Variants in C14orf132 observed in about 807,000 individuals in gnomAD.
C14orf132 encodes chromosome 14 open reading frame 132.
C14orf132 carries 6 observed loss-of-function variants against 5.8 expected under a neutral mutation model. The ratio of observed to expected loss-of-function variants is 1.03; its 90% CI spans 0.57 to 2.04. C14orf132 has a LOEUF of 2.04. C14orf132 is among the 30% of genes most tolerant of loss of function. C14orf132 has a pLI of 0.00. For synonymous variants in C14orf132, 51 were observed against 49.8 expected (o/e 1.02, Z -0.10); for missense variants, 125 against 115.8 (o/e 1.08, Z -0.37).
Position 96,053,320 on chromosome 14 carries a change from C to T in C14orf132, c.27+13793C>T, listed in dbSNP as rs1211435828. Among the ~76,000 whole-genome samples, 4 of 152,326 alleles carry T rather than the reference C, an allele frequency of 2.6e-5. No individual in the cohort carries two copies. In the East Asian group the frequency reaches 7.7e-4, roughly 29 times the overall value. The stretch of plus-strand genomic sequence containing the variant: ...GACGCTGGGGAACAAGCACTAAATT[C>T]CCTGCTCTCGCTAAGGGCACCTTGT... On this transcript the variant is annotated intron_variant, in intron 1 of 1. Transcript: ENST00000555004.
rs1888212819 is a variant in C14orf132 at position 96,086,899 on chromosome 14, G to A, written c.*164G>A. On this transcript the variant is annotated 3_prime_UTR_variant, in exon 2 of 2. Transcript: ENST00000555004. ...GCAGCCCTGATTTCAAATATCCCATGTTGTGGTCAAGCTGAGTCAGAAGAC... is the reference window on the plus strand; with the variant it reads ...GCAGCCCTGATTTCAAATATCCCATATTGTGGTCAAGCTGAGTCAGAAGAC... 4 of 722,678 alleles carry A rather than the reference G, an allele frequency of 5.5e-6. No individual in the cohort carries two copies. In the South Asian group the frequency reaches 7.5e-5, roughly 14 times the overall value. 44.8% of individuals were successfully genotyped at this position (722,678 alleles called of 1,614,324 possible). A position where few individuals can be genotyped will look rare whatever the true frequency, so the allele number is the denominator to read the frequency against.
intron 1 of C14orf132, among the ~76,000 whole-genome samples, chr14:96,060,985 T>C (rs1419965124): frequency 6.6e-6 from 1 of 152,184 alleles, no homozygotes; most frequent in African/African-American, 2.4e-5. Context: ...GAAAAAGTCC[T>C]TCCCAGAACA....
At chr14:96,053,436 C>T (rs1359783020) in intron 1 of C14orf132, among the ~76,000 whole-genome samples, 1 of 152,240 alleles carries the variant, frequency 6.6e-6, no homozygotes, top group African/African-American at 2.4e-5. Context: ...GTCCCGGCAG[C>T]CATGCAGAGA....
intron 1 of C14orf132, among the ~76,000 whole-genome samples, chr14:96,069,121 C>G (rs1280891294): frequency 6.7e-6 from 1 of 148,472 alleles, no homozygotes; most frequent in Non-Finnish European, 1.5e-5. Flanking sequence ...GGTGGGGTTT[C>G]TCAGCCTCCA....
At chr14:96,084,006 A>G (rs1888107069) in intron 1 of C14orf132, among the ~76,000 whole-genome samples, 1 of 152,192 alleles carries the variant, frequency 6.6e-6, no homozygotes, top group African/African-American at 2.4e-5. Context: ...CGGGAGCCCT[A>G]CAAAAGGCTC....
intron 1 of C14orf132, among the ~76,000 whole-genome samples, chr14:96,078,697 G>C (rs951925045): frequency 3.3e-5 from 5 of 152,172 alleles, no homozygotes; most frequent in African/African-American, 1.2e-4. Flanking sequence ...GACTGGGCTG[G>C]CACCAAGATC....
chr14:96,078,675 G>C (rs1595189096), intron 1 of C14orf132, among the ~76,000 whole-genome samples: 1 of 152,210 alleles, frequency 6.6e-6, no homozygotes, highest in East Asian at 1.9e-4. Context: ...AAGTGGCCCA[G>C]TCCAGCAGGC....
intron 1 of C14orf132, among the ~76,000 whole-genome samples, chr14:96,052,481 G>T (rs1887058873): frequency 6.6e-6 from 1 of 152,244 alleles, no homozygotes. Flanking sequence ...GAGGGCCAAG[G>T]TTCTCATCTC....
At chr14:96,073,082 T>C (rs1262981082) in intron 1 of C14orf132, among the ~76,000 whole-genome samples, 1 of 152,210 alleles carries the variant, frequency 6.6e-6, no homozygotes, top group Non-Finnish European at 1.5e-5. Flanking sequence ...GGCTGCATAA[T>C]TGCTTCCCAC....
chr14:96,069,021 C>T (rs1887617965), intron 1 of C14orf132, among the ~76,000 whole-genome samples: 1 of 151,574 alleles, frequency 6.6e-6, no homozygotes, highest in African/African-American at 2.4e-5. Flanking sequence ...TGGGTTTTAC[C>T]CCCTCAGCTC....
chr14:96,065,298 T>G (rs1378513135), intron 1 of C14orf132, among the ~76,000 whole-genome samples: 1 of 152,158 alleles, frequency 6.6e-6, no homozygotes, highest in African/African-American at 2.4e-5. Flanking sequence ...AACGTCCTCC[T>G]GGAGATTCCG....
chr14:96,085,971 G>GTC (rs999128429), intron 1 of C14orf132, among the ~76,000 whole-genome samples: 11 of 140,290 alleles, frequency 7.8e-5, no homozygotes, highest in Non-Finnish European at 1.1e-4. Flanking sequence ...CTCTCACTCT[G>GTC]TCTCTCTCTC....
intron 1 of C14orf132, among the ~76,000 whole-genome samples, chr14:96,077,650 C>G (rs1284437118): frequency 6.6e-6 from 1 of 152,198 alleles, no homozygotes; most frequent in Non-Finnish European, 1.5e-5. Flanking sequence ...GCTGTTTAAG[C>G]CACCCAGTCT....
At position 96,061,365 on chromosome 14, in the gene C14orf132, T is replaced by A. The variant is rs910814271; in HGVS notation, c.27+21838T>A. Among the ~76,000 whole-genome samples, 5 of 152,190 alleles carry A rather than the reference T, an allele frequency of 3.3e-5. No individual in the cohort carries two copies. In the South Asian group the frequency reaches 6.2e-4, roughly 19 times the overall value. Reference sequence around the variant, plus strand: ...TCCCTGTTGGAGTAGCTGGGGTTGGTGTTATCTACTGCCATTGGGCATGTA... The same window carrying A: ...TCCCTGTTGGAGTAGCTGGGGTTGGAGTTATCTACTGCCATTGGGCATGTA... On this transcript the variant is annotated intron_variant, in intron 1 of 1. Coordinates refer to ENST00000555004, the MANE Select transcript of C14orf132 (RefSeq NM_001252507.3).
intron 1 of C14orf132, among the ~76,000 whole-genome samples, chr14:96,044,325 C>T (rs1008386120): frequency 6.6e-6 from 1 of 152,184 alleles, no homozygotes; most frequent in South Asian, 2.1e-4. Context: ...AGGCACATGC[C>T]ACCATGGCTG....
Position 96,086,657 on chromosome 14 carries a change from C to A in C14orf132, c.174C>A (p.Ala58=). The A allele has an allele frequency of 6.5e-7, 1 of 1,536,158 alleles. No homozygotes were observed. The highest frequency in any genetic ancestry group is 8.7e-7 in the Non-Finnish European group (1 of 1,146,918). The change falls in exon 2 of 2, where the codon GCC becomes GCA. Residue 58 remains alanine (A), a synonymous_variant. Coordinates refer to ENST00000555004, the MANE Select transcript of C14orf132 (RefSeq NM_001252507.3). ...ATCCTCCTCGGTCCTCCAACGACGC[C>A]GTCTTGCTATGGATTGCCATCATAG... is the stretch of plus-strand genomic sequence containing the variant. The part of the protein sequence containing the change: ...PEDPPRSSND[A]VLLWIAIIAT...
At chr14:96,042,677 T>C (rs537066295) in intron 1 of C14orf132, among the ~76,000 whole-genome samples, 2 of 152,216 alleles carry the variant, frequency 1.3e-5, no homozygotes, top group Non-Finnish European at 2.9e-5. Flanking sequence ...CAAATCCTCT[T>C]AGACAGAGGT....
Position 96,061,380 on chromosome 14 carries a change from T to C in C14orf132, c.27+21853T>C, listed in dbSNP as rs146236123. Among the ~76,000 whole-genome samples the C allele has an allele frequency of 5.9e-5, 9 of 152,318 alleles. No homozygotes were observed. The East Asian group carries it at 1.3e-3, about 23-fold the overall frequency. Reference sequence around the variant, plus strand: ...CTGGGGTTGGTGTTATCTACTGCCATTGGGCATGTATTCGCACCCCTTATT... The same window carrying C: ...CTGGGGTTGGTGTTATCTACTGCCACTGGGCATGTATTCGCACCCCTTATT... On this transcript the variant is annotated intron_variant, in intron 1 of 1. Coordinates refer to ENST00000555004, the MANE Select transcript of C14orf132 (RefSeq NM_001252507.3).
At position 96,088,433 on chromosome 14, in the gene C14orf132, A is replaced by T. The variant is rs1341159779; in HGVS notation, c.*1698A>T. On this transcript the variant is annotated 3_prime_UTR_variant, in exon 2 of 2. Transcript: ENST00000555004. ...AACCTGACCCTTGACAATGAGGGAG[A>T]AGGGACATGGACCACCTGTCTGGAA... 6.6e-6 allele frequency: 1 copy of T among 152,208 alleles called. No individual in the cohort carries two copies. Among genetic ancestry groups the T allele is most frequent in the Non-Finnish European group, 1.5e-5 (1 of 68,096 alleles). 9.4% of individuals were successfully genotyped at this position (152,208 alleles called of 1,614,324 possible).
Sources: gnomAD v4.1 joint callset for allele counts (sites outside exome capture counted in the v4.1 genomes callset) on GRCh38, gnomAD v4.1.1 for gene constraint, MANE v1.5 for transcripts, NCBI Gene and HGNC (gene_info 2026-07-23, HGNC 2026-07-21) for gene names.